KIAA0825: variants seen among roughly 807,000 people sequenced by gnomAD.
The protein encoded by KIAA0825 is KIAA0825, also known as uncharacterized protein KIAA0825.
A neutral mutation model predicts 147.6 loss-of-function variants in KIAA0825; 119 were observed. The observed-to-expected ratio is 0.81, with a 90% CI of 0.69 to 0.94. The LOEUF (loss-of-function observed/expected upper bound fraction) is 0.94, where lower values mean the gene tolerates loss of function less well. Ranked by LOEUF, KIAA0825 falls within the 40% of genes least tolerant of loss-of-function variation. The pLI is 0.00. For missense variants in KIAA0825, 1,381 were observed against 1,472.7 expected (o/e 0.94, Z 1.02); for synonymous variants, 470 against 518.1 (o/e 0.91, Z 1.26).
chr5:94,154,382 G>T (rs1227718010), intron 20 of KIAA0825, among the ~76,000 whole-genome samples: 1 of 152,090 alleles, frequency 6.6e-6, no homozygotes, highest in African/African-American at 2.4e-5. Context: ...TTCAAATGAG[G>T]TTTCTGTATT....
chr5:94,415,285 A>G (rs1169208546), intron 15 of KIAA0825: 1 of 152,190 alleles, frequency 6.6e-6, no homozygotes, highest in Non-Finnish European at 1.5e-5. Flanking sequence ...ACTTTAGTTA[A>G]TCTGGGTAGG....
intron 20 of KIAA0825, among the ~76,000 whole-genome samples, chr5:94,205,299 A>ATATATATATATATATT (rs1254935243): frequency 2.4e-4 from 33 of 137,896 alleles, no homozygotes; most frequent in African/African-American, 8.6e-4. Flanking sequence ...ATATATATAT[A>ATATATATATATATATT]TTTTGTTTTG....
intron 2 of KIAA0825, among the ~76,000 whole-genome samples, chr5:94,552,020 C>CA (rs1336138676): frequency 6.6e-6 from 1 of 151,708 alleles, no homozygotes; most frequent in African/African-American, 2.4e-5. Flanking sequence ...ATACTGCCCA[C>CA]AAAAAAACTA....
intron 2 of KIAA0825, among the ~76,000 whole-genome samples, chr5:94,552,968 T>C (rs904063791): frequency 6.6e-6 from 1 of 152,196 alleles, no homozygotes. Flanking sequence ...AAAATTCCCA[T>C]AGTTAATAAT....
At chr5:94,396,647 A>G in intron 16 of KIAA0825, 138 bp from the exon 17 acceptor site, 1 of 575,624 alleles carries the variant, frequency 1.7e-6, no homozygotes, top group South Asian at 4.5e-5. Context: ...TTCCAACAGA[A>G]CTCTAACCGG....
intron 16 of KIAA0825, among the ~76,000 whole-genome samples, chr5:94,397,554 T>C (rs182878483): frequency 6.6e-6 from 1 of 152,336 alleles, no homozygotes; most frequent in East Asian, 1.9e-4. Context: ...ATTAGACATA[T>C]TTTCCAAGAA....
chr5:94,397,891 A>G (rs1750882269), intron 16 of KIAA0825, among the ~76,000 whole-genome samples: 2 of 151,966 alleles, frequency 1.3e-5, no homozygotes, highest in South Asian at 2.1e-4. Flanking sequence ...CCTCATCACC[A>G]TCAACTCAAT....
intron 20 of KIAA0825, among the ~76,000 whole-genome samples, chr5:94,340,362 A>T (rs531145447): frequency 6.6e-6 from 1 of 152,294 alleles, no homozygotes; most frequent in African/African-American, 2.4e-5. Flanking sequence ...TTGGGGGGGA[A>T]TATTTTCAAT....
rs774776313 is a variant in KIAA0825 at position 94,471,472 on chromosome 5, G to A, written c.1715C>T (p.Thr572Ile). ...TAATTTAAACAACACTCACTTTTTA[G>A]TCATTTCCTTCATCAAATTATCATA... ...KRYDNLMKEM[T>I]KKPIFLVLVQ... The change falls in exon 9 of 21, where the codon ACT (threonine) becomes ATT (isoleucine). Residue 572 changes from threonine (T) to isoleucine (I), a missense_variant. Physicochemically the swap from Thr to Ile is moderately conservative, Grantham distance 89. Coordinates refer to ENST00000682413, the MANE Select transcript of KIAA0825 (RefSeq NM_001145678.3). 6.4e-7 allele frequency: 1 copy of A among 1,551,590 alleles called. No individual in the cohort carries two copies. Among genetic ancestry groups the A allele is most frequent in the Non-Finnish European group, 8.7e-7 (1 of 1,146,870 alleles).
Position 94,473,299 on chromosome 5 carries a change from AT to A in KIAA0825, c.1447del (p.Ile483LeufsTer62). On this transcript the variant is annotated frameshift_variant, in exon 8 of 21. Coordinates refer to ENST00000682413, the MANE Select transcript of KIAA0825 (RefSeq NM_001145678.3). LOFTEE classifies it high-confidence loss of function. ...MFPEEEQPKK[I>X]GKFCSDIMEK... ...AGGATTTCATATACTTGCTTTTCCA[AT>A]TTTCTTTGGTTGTTCCTCCTCAGGA... The A allele has an allele frequency of 3.9e-6, 6 of 1,551,368 alleles. No homozygotes were observed. Among genetic ancestry groups the A allele is most frequent in the Non-Finnish European group, 5.2e-6 (6 of 1,146,828 alleles).
intron 13 of KIAA0825, among the ~76,000 whole-genome samples, chr5:94,447,736 A>G (rs535588142): frequency 1.3e-5 from 2 of 152,304 alleles, no homozygotes; most frequent in South Asian, 4.1e-4. Flanking sequence ...AGATAGCTTA[A>G]TATTTTTAGG....
In KIAA0825 at chr5:94,367,986, A is replaced by T. The variant is rs572364461; in HGVS notation, c.3710+16382T>A. Among the ~76,000 whole-genome samples the T allele has an allele frequency of 2.6e-5, 4 of 152,348 alleles. No homozygotes were observed. In the East Asian group the frequency reaches 7.7e-4, roughly 29 times the overall value. ...TTGGTATAAAGCTAAGCCATTAAAA[A>T]ATAAAAACTCTGTATCTTTACATGG... is the stretch of plus-strand genomic sequence containing the variant. On this transcript the variant is annotated intron_variant, in intron 20 of 20. Coordinates refer to ENST00000682413, the MANE Select transcript of KIAA0825 (RefSeq NM_001145678.3).
At chr5:94,288,043 G>T (rs1777730828) in intron 20 of KIAA0825, among the ~76,000 whole-genome samples, 1 of 152,126 alleles carries the variant, frequency 6.6e-6, no homozygotes, top group Non-Finnish European at 1.5e-5. Flanking sequence ...CATGTCTATT[G>T]CTTCTGCTCC....
chr5:94,601,515 A>G (rs993180950), intron 1 of KIAA0825, among the ~76,000 whole-genome samples: 1 of 152,190 alleles, frequency 6.6e-6, no homozygotes, highest in Non-Finnish European at 1.5e-5. Flanking sequence ...TGACCACATC[A>G]CCTTTCCAGC....
chr5:94,177,626 A>G (rs1055530679), intron 20 of KIAA0825, among the ~76,000 whole-genome samples: 2 of 152,144 alleles, frequency 1.3e-5, no homozygotes, highest in Non-Finnish European at 2.9e-5. Context: ...GTGGGTATCT[A>G]CACTTCAAAC....
chr5:94,499,823 C>A (rs1435781812), intron 5 of KIAA0825, among the ~76,000 whole-genome samples: 5 of 152,086 alleles, frequency 3.3e-5, no homozygotes, highest in African/African-American at 1.2e-4. Flanking sequence ...ATAAATAATT[C>A]TTGTCCTTAA....
At chr5:94,266,530 G>A (rs1048587102) in intron 20 of KIAA0825, among the ~76,000 whole-genome samples, 8 of 151,978 alleles carry the variant, frequency 5.3e-5, no homozygotes, top group East Asian at 1.9e-4. Context: ...GATCTGAAGG[G>A]GTAATAAAAA....
At chr5:94,539,389 C>T (rs1772808896) in intron 2 of KIAA0825, among the ~76,000 whole-genome samples, 1 of 152,180 alleles carries the variant, frequency 6.6e-6, no homozygotes, top group Non-Finnish European at 1.5e-5. Context: ...TGAATTCTTT[C>T]TTGCACAAGA....
At chr5:94,420,220 C>T (rs1387400394) in intron 14 of KIAA0825, among the ~76,000 whole-genome samples, 1 of 151,942 alleles carries the variant, frequency 6.6e-6, no homozygotes, top group Non-Finnish European at 1.5e-5. Flanking sequence ...TAATATACAG[C>T]CCTGCAAATC....
Sources: gnomAD v4.1 joint callset for allele counts (sites outside exome capture counted in the v4.1 genomes callset) on GRCh38, gnomAD v4.1.1 for gene constraint, MANE v1.5 for transcripts, NCBI Gene and HGNC (gene_info 2026-07-23, HGNC 2026-07-21) for gene names.